L3MBTL4: variants seen among roughly 807,000 people sequenced by gnomAD.
L3MBTL4 encodes L3MBTL histone methyl-lysine binding protein 4, also known as lethal(3)malignant brain tumor-like protein 4.
In L3MBTL4, 70 loss-of-function variants were observed where a neutral mutation model predicts 84.5. The observed-to-expected ratio is 0.83, with a 90% CI of 0.68 to 1.01. The LOEUF (loss-of-function observed/expected upper bound fraction) is 1.01, where lower values mean the gene tolerates loss of function less well. Ranked by LOEUF, L3MBTL4 falls within the 50% of genes least tolerant of loss-of-function variation. The pLI is 0.00. For synonymous variants in L3MBTL4, 274 were observed against 259.8 expected (o/e 1.05, Z -0.52); for missense variants, 715 against 754.8 (o/e 0.95, Z 0.62).
At chr18:6,164,331 A>G (rs1050030551) in intron 13 of L3MBTL4, among the ~76,000 whole-genome samples, 14 of 152,230 alleles carry the variant, frequency 9.2e-5, no homozygotes, top group African/African-American at 3.1e-4. Context: ...TGAAGAGAGT[A>G]GTGGTTCTCC....
intron 7 of L3MBTL4, among the ~76,000 whole-genome samples, chr18:6,242,671 A>G (rs1396912267): frequency 6.6e-6 from 1 of 152,208 alleles, no homozygotes; most frequent in Non-Finnish European, 1.5e-5. Context: ...CTGACATCCA[A>G]GCCAGAGACA....
At chr18:6,387,561 T>A (rs1364595979) in intron 1 of L3MBTL4, among the ~76,000 whole-genome samples, 1 of 152,230 alleles carries the variant, frequency 6.6e-6, no homozygotes, top group African/African-American at 2.4e-5. Context: ...TGTTCTGATT[T>A]AAATACATCT....
intron 16 of L3MBTL4, among the ~76,000 whole-genome samples, chr18:6,002,779 G>T (rs73376005): frequency 0.073 from 11,001 of 151,670 alleles, 507 homozygotes; most frequent in East Asian, 0.12. Context: ...GAAAATGAAG[G>T]CTAGAAATCC....
At chr18:5,960,326 C>T (rs1181253671) in intron 17 of L3MBTL4, among the ~76,000 whole-genome samples, 170 bp from the exon 18 acceptor site, 3 of 151,996 alleles carry the variant, frequency 2.0e-5, no homozygotes, top group African/African-American at 7.3e-5. Flanking sequence ...TTAGACCAGC[C>T]CCCAGTATTT....
chr18:6,264,888 T>C (rs1211536140), intron 4 of L3MBTL4, among the ~76,000 whole-genome samples: 2 of 152,216 alleles, frequency 1.3e-5, no homozygotes, highest in Non-Finnish European at 2.9e-5. Flanking sequence ...CACAAGAGTT[T>C]TTTTCCTAGA....
At chr18:6,094,839 G>C (rs1474857607) in intron 14 of L3MBTL4, among the ~76,000 whole-genome samples, 1 of 152,142 alleles carries the variant, frequency 6.6e-6, no homozygotes, top group East Asian at 1.9e-4. Flanking sequence ...ACTGGGGACA[G>C]GATGGCTAAG....
At chr18:6,174,459 A>G (rs1049249335) in intron 12 of L3MBTL4, among the ~76,000 whole-genome samples, 3 of 152,208 alleles carry the variant, frequency 2.0e-5, no homozygotes, top group African/African-American at 4.8e-5. Flanking sequence ...AATATCTTAA[A>G]TATTGCTGGA....
intron 14 of L3MBTL4, among the ~76,000 whole-genome samples, chr18:6,130,810 C>A (rs932911740): frequency 2.0e-5 from 3 of 152,128 alleles, no homozygotes; most frequent in Non-Finnish European, 4.4e-5. Context: ...TCACTTTATT[C>A]TCTATGTAAA....
At chr18:6,085,198 C>T (rs1450560720) in intron 15 of L3MBTL4, among the ~76,000 whole-genome samples, 1 of 152,094 alleles carries the variant, frequency 6.6e-6, no homozygotes, top group Non-Finnish European at 1.5e-5. Flanking sequence ...AAAATGTTTA[C>T]TGCAGCATTA....
intron 1 of L3MBTL4, among the ~76,000 whole-genome samples, chr18:6,315,962 C>A (rs561290226): frequency 6.6e-6 from 1 of 152,046 alleles, no homozygotes; most frequent in African/African-American, 2.4e-5. Flanking sequence ...CAGGAAGTCC[C>A]AAGATTCAGG....
At chr18:6,061,641 T>C (rs963361025) in intron 16 of L3MBTL4, among the ~76,000 whole-genome samples, 3 of 152,038 alleles carry the variant, frequency 2.0e-5, no homozygotes, top group Non-Finnish European at 4.4e-5. Flanking sequence ...CCATGATCCA[T>C]CCTGAGTTTG....
intron 1 of L3MBTL4, among the ~76,000 whole-genome samples, chr18:6,377,211 T>G (rs1411396309): frequency 2.6e-5 from 4 of 152,142 alleles, no homozygotes; most frequent in African/African-American, 9.7e-5. Flanking sequence ...ACTGACAAAC[T>G]CATCTCGTTC....
intron 1 of L3MBTL4, among the ~76,000 whole-genome samples, chr18:6,387,705 A>T (rs572891381): frequency 2.0e-5 from 3 of 152,336 alleles, no homozygotes; most frequent in Admixed American, 1.3e-4. Context: ...ATCTTTCATA[A>T]TGTGTAAGAG....
chr18:6,096,610 G>T (rs1180888777), intron 14 of L3MBTL4, among the ~76,000 whole-genome samples: 2 of 152,170 alleles, frequency 1.3e-5, no homozygotes, highest in Non-Finnish European at 2.9e-5. Flanking sequence ...ACGTACGCAT[G>T]CATGTGTGTG....
At chr18:6,028,619 C>A (rs1401873676) in intron 16 of L3MBTL4, among the ~76,000 whole-genome samples, 5 of 152,194 alleles carry the variant, frequency 3.3e-5, no homozygotes, top group African/African-American at 1.2e-4. Context: ...CCATAAATTA[C>A]TTTGGGCAGT....
chr18:6,216,000 C>T (rs939158453), intron 10 of L3MBTL4, among the ~76,000 whole-genome samples, 165 bp from the exon 11 acceptor site: 2 of 152,170 alleles, frequency 1.3e-5, no homozygotes, highest in African/African-American at 2.4e-5. Context: ...TAACCATAAC[C>T]TCTGAGAAGG....
chr18:6,379,330 C>T (rs1304388705), intron 1 of L3MBTL4, among the ~76,000 whole-genome samples: 1 of 152,016 alleles, frequency 6.6e-6, no homozygotes, highest in African/African-American at 2.4e-5. Context: ...TCCTCATTGC[C>T]CTGGCCAGAA....
intron 1 of L3MBTL4, chr18:6,367,338 C>T (rs890892912): frequency 6.6e-6 from 1 of 152,208 alleles, no homozygotes; most frequent in African/African-American, 2.4e-5. Context: ...TTAAAATAAA[C>T]TCTTGCCGAA....
At chr18:6,040,106 T>G (rs2056334011) in intron 16 of L3MBTL4, among the ~76,000 whole-genome samples, 1 of 151,850 alleles carries the variant, frequency 6.6e-6, no homozygotes, top group Non-Finnish European at 1.5e-5. Flanking sequence ...AGAAAGAAAT[T>G]AAAAATACTT....
Sources: gnomAD v4.1 joint callset for allele counts (sites outside exome capture counted in the v4.1 genomes callset) on GRCh38, gnomAD v4.1.1 for gene constraint, MANE v1.5 for transcripts, NCBI Gene and HGNC (gene_info 2026-07-23, HGNC 2026-07-21) for gene names.